Variants in GLB1L3 observed in about 807,000 individuals in gnomAD.
The protein encoded by GLB1L3 is beta-galactosidase-1-like protein 3.
Under a neutral mutation model 89.5 loss-of-function variants are expected in GLB1L3, and 89 were observed. The ratio of observed to expected loss-of-function variants is 0.99; its 90% CI spans 0.84 to 1.19. GLB1L3 has a LOEUF of 1.19. Among genes scored for constraint, GLB1L3 ranks in the 50% most tolerant of loss-of-function variants. GLB1L3 has a pLI of 0.00. For synonymous variants in GLB1L3, 314 were observed against 312.3 expected, an observed-to-expected ratio of 1.01 and a Z score of -0.06; for missense variants, 812 against 813.3, an observed-to-expected ratio of 1.00 and a Z score of 0.02.
intron 9 of GLB1L3, among the ~76,000 whole-genome samples, chr11:134,298,968 C>G (rs1270880708): frequency 6.6e-6 from 1 of 152,292 alleles, no homozygotes; most frequent in East Asian, 1.9e-4. Context: ...TTAGTGTGGT[C>G]TCACAACTCT....
chr11:134,290,544 G>T (rs920020735), intron 7 of GLB1L3, among the ~76,000 whole-genome samples: 3 of 143,264 alleles, frequency 2.1e-5, no homozygotes, highest in Non-Finnish European at 3.0e-5. Flanking sequence ...CTGGACTCCA[G>T]CCTGGGTGAC....
At chr11:134,280,458 G>A (rs748976410) in intron 3 of GLB1L3, among the ~76,000 whole-genome samples, 4 of 152,030 alleles carry the variant, frequency 2.6e-5, no homozygotes, top group African/African-American at 4.8e-5. Context: ...ATTACATGCC[G>A]ACTTTTAATT....
At chr11:134,306,581 A>G (rs377334517) in intron 9 of GLB1L3, among the ~76,000 whole-genome samples, 1 of 152,224 alleles carries the variant, frequency 6.6e-6, no homozygotes, top group Non-Finnish European at 1.5e-5. Flanking sequence ...CTGAAAATGC[A>G]TGCTGAGTGG....
intron 14 of GLB1L3, 29 bp from the exon 15 acceptor site, chr11:134,312,787 G>A: frequency 6.3e-7 from 1 of 1,582,228 alleles, no homozygotes; most frequent in Non-Finnish European, 8.7e-7. Flanking sequence ...GGTGGGCCTA[G>A]CAGTCTGACG....
chr11:134,289,678 A>G (rs1297508535), intron 7 of GLB1L3, among the ~76,000 whole-genome samples: 1 of 152,190 alleles, frequency 6.6e-6, no homozygotes, highest in African/African-American at 2.4e-5. Context: ...TCAAGAACTT[A>G]GTGATGGGAC....
chr11:134,313,076 CG>C (rs1303607205), intron 15 of GLB1L3, among the ~76,000 whole-genome samples, 189 bp downstream of exon 15: 1 of 152,044 alleles, frequency 6.6e-6, no homozygotes, highest in African/African-American at 2.4e-5. Flanking sequence ...CAGGAGCTAC[CG>C]CATGTGTGCT....
rs1443256102 is a variant in GLB1L3, at chr11:134,318,922, A to G, written c.1942A>G (p.Thr648Ala). ...KMMSGSDIKSTDKPTL is the reference protein window; with the variant it reads ...KMMSGSDIKSADKPTL ...GATGAGTGGCTCAGATATCAAATCT[A>G]CAGACAAGCCCACGCTGTAAAACTG... is the stretch of plus-strand genomic sequence containing the variant. Residue 648 changes from threonine (T) to alanine (A), a missense_variant, in exon 20 of 20, where the codon ACA becomes GCA. Thr to Ala is a moderately conservative substitution (Grantham distance 58). Transcript: ENST00000431683. The G allele has an allele frequency of 6.2e-7, 1 of 1,612,786 alleles. No homozygotes were observed. The highest frequency in any genetic ancestry group is 1.7e-5 in the Admixed American group (1 of 59,936).
chr11:134,287,937 C>T (rs971282444), intron 6 of GLB1L3, among the ~76,000 whole-genome samples: 1 of 152,192 alleles, frequency 6.6e-6, no homozygotes, highest in Admixed American at 6.5e-5. Flanking sequence ...ATAAAGCTGG[C>T]CATTTATGCT....
intron 7 of GLB1L3, among the ~76,000 whole-genome samples, chr11:134,291,873 G>A (rs1941380461): frequency 6.6e-6 from 1 of 152,164 alleles, no homozygotes; most frequent in Admixed American, 6.5e-5. Flanking sequence ...TACTCAGGAG[G>A]CTGAGGTGGT....
At chr11:134,308,357 TACCACC>T (rs762722221) in intron 10 of GLB1L3, among the ~76,000 whole-genome samples, 13 of 12,204 alleles carry the variant, frequency 1.1e-3, no homozygotes, top group African/African-American at 5.0e-3. Context: ...CCATCACCAC[TACCACC>T]ACCACCACCA....
At chr11:134,304,809 C>G (rs1942110117) in intron 9 of GLB1L3, among the ~76,000 whole-genome samples, 1 of 152,094 alleles carries the variant, frequency 6.6e-6, no homozygotes, top group South Asian at 2.1e-4. Flanking sequence ...TTGACCTATG[C>G]TATAGAAAGT....
intron 12 of GLB1L3, 196 bp downstream of exon 12, chr11:134,310,847 A>G: frequency 1.6e-6 from 1 of 620,048 alleles, no homozygotes; most frequent in Non-Finnish European, 2.9e-6. Context: ...TAAGCATTTT[A>G]TAAGCCTCAG....
At chr11:134,297,886 AAGAG>A (rs918769291) in intron 9 of GLB1L3, among the ~76,000 whole-genome samples, 2 of 149,212 alleles carry the variant, frequency 1.3e-5, no homozygotes, top group South Asian at 2.1e-4. Context: ...AAAAGAAAGA[AAGAG>A]AGAAAAAAAT....
rs1336893051 is a variant in GLB1L3, at chr11:134,277,890, T to C, written c.340T>C (p.Cys114Arg). The change falls in exon 3 of 20, where the codon TGT (cysteine) becomes CGT (arginine). Residue 114 changes from cysteine (C) to arginine (R), a missense_variant. Around this residue, in one of 3 missense-constraint regions of GLB1L3, gnomAD observed 191 missense variants for 191.4 expected, o/e 1.00. Coordinates refer to ENST00000431683, the MANE Select transcript of GLB1L3 (RefSeq NM_001080407.3). The stretch of plus-strand genomic sequence containing the variant: ...GGACCGCCTGCTGAAGCTGAAGGCC[T>C]GTGGCTTCAATACTGTCACCACGTG... ...WRDRLLKLKA[C>R]GFNTVTTYVP... is the part of the protein sequence containing the mutation. 1.2e-6 allele frequency: 2 copies of C among 1,613,990 alleles called. No individual in the cohort carries two copies. The highest frequency in any genetic ancestry group is 2.2e-5 in the East Asian group (1 of 44,868).
At position 134,301,586 on chromosome 11, in the gene GLB1L3, A is replaced by G. The variant is rs562045378; in HGVS notation, c.877-5538A>G. 2.0e-4 allele frequency among the ~76,000 whole-genome samples: 31 copies of G among 151,844 alleles called. No homozygotes were observed. In the South Asian group the frequency reaches 6.2e-3, roughly 31 times the overall value. ...ACCGATTTTTTTTTAAGTTGTCTCT[A>G]TTGCAAATTAATTTCAATTTCACTG... On this transcript the variant is annotated intron_variant, in intron 9 of 19. Coordinates refer to ENST00000431683, the MANE Select transcript of GLB1L3 (RefSeq NM_001080407.3).
chr11:134,281,333 G>T (rs769418406), intron 3 of GLB1L3, 44 bp from the exon 4 acceptor site: 1 of 1,610,598 alleles, frequency 6.2e-7, no homozygotes, highest in South Asian at 1.1e-5. Flanking sequence ...TTTGGAGGAA[G>T]AAATAAGAAG....
intron 9 of GLB1L3, chr11:134,305,232 T>G: frequency 1.3e-6 from 1 of 798,442 alleles, no homozygotes; most frequent in Non-Finnish European, 2.2e-6. Flanking sequence ...TCTGATGCAC[T>G]GAATTATGTA....
At chr11:134,314,049 A>G (rs750651432) in intron 17 of GLB1L3, 21 bp downstream of exon 17, 1 of 1,480,358 alleles carries the variant, frequency 6.8e-7, no homozygotes, top group Non-Finnish European at 9.4e-7. Context: ...GCTGGCCCCC[A>G]GTGCACACTT....
intron 3 of GLB1L3, among the ~76,000 whole-genome samples, chr11:134,280,659 G>A (rs1486523812): frequency 6.6e-6 from 1 of 151,862 alleles, no homozygotes; most frequent in Non-Finnish European, 1.5e-5. Flanking sequence ...CATACAACAA[G>A]CTACGTTGTT....
Sources: gnomAD v4.1 joint callset for allele counts (sites outside exome capture counted in the v4.1 genomes callset) on GRCh38, gnomAD v4.1.1 for gene constraint, gnomAD v4.1.1 regional missense constraint, MANE v1.5 for transcripts, NCBI Gene and HGNC (gene_info 2026-07-23, HGNC 2026-07-21) for gene names.